The following RTN1 variants were observed in gnomAD, a reference collection of about 807,000 sequenced individuals.
RTN1 encodes reticulon 1, also known as reticulon-1.
RTN1 carries 25 observed loss-of-function variants against 65.5 expected under a neutral mutation model. The observed-to-expected ratio is 0.38, with a 90% confidence interval of 0.28 to 0.53. The LOEUF (loss-of-function observed/expected upper bound fraction) is 0.53, where lower values mean the gene tolerates loss of function less well. Among genes scored for constraint, RTN1 ranks in the 20% least tolerant of loss-of-function variants. The pLI is 0.79. For synonymous variants in RTN1, 471 were observed against 447.6 expected (o/e 1.05, Z -0.66); for missense variants, 983 against 1,025.4 (o/e 0.96, Z 0.57).
At chr14:59,824,063 A>G (rs1177359412) in intron 1 of RTN1, among the ~76,000 whole-genome samples, 1 of 152,188 alleles carries the variant, frequency 6.6e-6, no homozygotes, top group Admixed American at 6.5e-5. Context: ...CATATGTCAA[A>G]CATACCCACC....
At chr14:59,823,529 T>C (rs1374047051) in intron 1 of RTN1, among the ~76,000 whole-genome samples, 1 of 152,140 alleles carries the variant, frequency 6.6e-6, no homozygotes, top group Non-Finnish European at 1.5e-5. Context: ...ATTTCACTTA[T>C]GAAGCTTAGT....
Position 59,870,346 on chromosome 14 carries a change from C to T in RTN1, c.241+44G>A, listed in dbSNP as rs1887874586. On this transcript the variant is annotated intron_variant, in intron 1 of 8. Coordinates refer to ENST00000267484, the MANE Select transcript of RTN1 (RefSeq NM_021136.3). This position sits in a 1 kb window ranked among gnomAD's most constrained non-coding sequence, Gnocchi z 5.1. The stretch of plus-strand genomic sequence containing the variant: ...CGCAGAAGGGGACTGACTGGGGGGC[C>T]CTGGTCCCCGACGCCATTTGAGGGG... The T allele has an allele frequency of 6.2e-6, 9 of 1,450,218 alleles. No homozygotes were observed. Among genetic ancestry groups the T allele is most frequent in the Non-Finnish European group, 8.1e-6 (9 of 1,109,252 alleles). The allele number at this position is 1,450,218 out of a possible 1,614,324, so 89.8% of individuals were successfully genotyped here.
intron 2 of RTN1, among the ~76,000 whole-genome samples, chr14:59,732,010 T>G (rs1384829056): frequency 6.6e-6 from 1 of 152,192 alleles, no homozygotes; most frequent in Non-Finnish European, 1.5e-5. Flanking sequence ...TAGGTGCAAT[T>G]GTGTTGTACA....
chr14:59,631,504 T>C (rs1023365324), intron 3 of RTN1, among the ~76,000 whole-genome samples: 1 of 152,200 alleles, frequency 6.6e-6, no homozygotes. Flanking sequence ...ATAAGACTTT[T>C]GGCTTCCAAG....
chr14:59,658,671 A>G (rs1217313952), intron 3 of RTN1, among the ~76,000 whole-genome samples: 1 of 152,220 alleles, frequency 6.6e-6, no homozygotes, highest in East Asian at 1.9e-4. Flanking sequence ...TAACAAACAG[A>G]AAAGTATAGC....
rs1245826855 is a variant in RTN1, at chr14:59,819,405, A to C, written c.241+50985T>G. Among the ~76,000 whole-genome samples, 20 of 20,194 alleles carry C rather than the reference A, an allele frequency of 9.9e-4. 1 individual carries two copies. The highest frequency in any genetic ancestry group is 6.7e-3 in the African/African-American group (13 of 1,954). The allele number at this position is 20,194 out of a possible 152,430, so 13.2% of individuals were successfully genotyped here. Reference sequence around the variant, plus strand: ...ACAGAGAGCTGATTGGTGCATCCACACCACCACCACCCCCCCCCCACCCCC... The same window carrying C: ...ACAGAGAGCTGATTGGTGCATCCACCCCACCACCACCCCCCCCCCACCCCC... On this transcript the variant is annotated intron_variant, in intron 1 of 8. Transcript: ENST00000267484.
chr14:59,838,411 T>G (rs1043351945), intron 1 of RTN1, among the ~76,000 whole-genome samples: 2 of 152,126 alleles, frequency 1.3e-5, no homozygotes, highest in Non-Finnish European at 2.9e-5. Context: ...CAACCACGTA[T>G]AGGAATGTTC....
intron 3 of RTN1, among the ~76,000 whole-genome samples, chr14:59,670,196 A>C (rs1272096586): frequency 1.3e-5 from 2 of 152,228 alleles, no homozygotes; most frequent in Admixed American, 1.3e-4. Context: ...TTCCCCACTC[A>C]AAGTTTCCTT....
chr14:59,869,582 G>T (rs1049688638), intron 1 of RTN1, among the ~76,000 whole-genome samples: 4 of 110,202 alleles, frequency 3.6e-5, no homozygotes, highest in African/African-American at 9.3e-5. Flanking sequence ...TCCGGGGTGG[G>T]GGGGGGGGGG....
chr14:59,786,154 C>G (rs1275458260), intron 1 of RTN1, among the ~76,000 whole-genome samples: 2 of 152,218 alleles, frequency 1.3e-5, no homozygotes, highest in African/African-American at 4.8e-5. Flanking sequence ...GAGGGACAAG[C>G]ACCTTGCTAG....
At chr14:59,848,242 C>G (rs1347360528) in intron 1 of RTN1, among the ~76,000 whole-genome samples, 2 of 152,202 alleles carry the variant, frequency 1.3e-5, no homozygotes, top group Non-Finnish European at 2.9e-5. Context: ...GCAGAGCATG[C>G]AGGTGAACTG....
intron 1 of RTN1, among the ~76,000 whole-genome samples, chr14:59,748,701 T>C (rs1466740519): frequency 6.6e-6 from 1 of 152,152 alleles, no homozygotes; most frequent in Non-Finnish European, 1.5e-5. Context: ...CAGGAATTTC[T>C]GACTATTTTG....
At chr14:59,644,961 G>A (rs1386236121) in intron 3 of RTN1, among the ~76,000 whole-genome samples, 1 of 152,252 alleles carries the variant, frequency 6.6e-6, no homozygotes, top group Non-Finnish European at 1.5e-5. Flanking sequence ...CTCCCAGGGG[G>A]AGGACAGGCC....
Position 59,870,250 on chromosome 14 carries a change from C to A in RTN1, c.241+140G>T. On this transcript the variant is annotated intron_variant, in intron 1 of 8. Coordinates refer to ENST00000267484, the MANE Select transcript of RTN1 (RefSeq NM_021136.3). This position sits in a 1 kb window ranked among gnomAD's most constrained non-coding sequence, Gnocchi z 5.1. ...CTACCAGCCCGCGAATATTCCCAGTCGCCCGTGGCGACGCGGGGGTGGGGT... is the reference window on the plus strand; with the variant it reads ...CTACCAGCCCGCGAATATTCCCAGTAGCCCGTGGCGACGCGGGGGTGGGGT... 1.3e-6 allele frequency: 1 copy of A among 790,092 alleles called. No homozygotes were observed. Among genetic ancestry groups the A allele is most frequent in the Non-Finnish European group, 1.8e-6 (1 of 570,826 alleles). The allele number at this position is 790,092 out of a possible 1,614,324, so 48.9% of individuals were successfully genotyped here.
chr14:59,638,828 C>A (rs2140190388), intron 3 of RTN1, among the ~76,000 whole-genome samples: 1 of 152,352 alleles, frequency 6.6e-6, no homozygotes, highest in African/African-American at 2.4e-5. Flanking sequence ...AGCAATGAGG[C>A]TGTTTTGCTT....
chr14:59,740,124 C>A (rs1054245841), intron 2 of RTN1, among the ~76,000 whole-genome samples: 1 of 152,214 alleles, frequency 6.6e-6, no homozygotes, highest in Non-Finnish European at 1.5e-5. Context: ...CTCTCCCTGA[C>A]CCCAGACTGA....
intron 3 of RTN1, among the ~76,000 whole-genome samples, chr14:59,611,564 G>A (rs1881950359): frequency 6.6e-6 from 1 of 152,096 alleles, no homozygotes; most frequent in Non-Finnish European, 1.5e-5. Context: ...TATGGGGGGT[G>A]TCTGTAGCCC....
At chr14:59,597,828 A>G (rs952515068) in intron 8 of RTN1, among the ~76,000 whole-genome samples, 3 of 152,136 alleles carry the variant, frequency 2.0e-5, no homozygotes, top group African/African-American at 7.2e-5. Context: ...AGGCAGAGGG[A>G]GTAATGAGTG....
At chr14:59,604,066 C>T (rs901708881) in intron 5 of RTN1, 145 bp from the exon 6 acceptor site, 2 of 530,512 alleles carry the variant, frequency 3.8e-6, no homozygotes, top group Admixed American at 2.8e-5. Flanking sequence ...AAGCTCATCA[C>T]AGAATCAATG....
Sources: gnomAD v4.1 joint callset for allele counts (sites outside exome capture counted in the v4.1 genomes callset) on GRCh38, gnomAD v4.1.1 for gene constraint, Gnocchi (gnomAD v3.1) non-coding constraint, MANE v1.5 for transcripts, NCBI Gene and HGNC (gene_info 2026-07-23, HGNC 2026-07-21) for gene names.